The following FAM83G variants were observed in gnomAD, a reference collection of about 807,000 sequenced individuals.
FAM83G encodes the protein scaffolding CK1 anchoring protein G.
FAM83G carries 38 observed loss-of-function variants against 61.5 expected under a neutral mutation model. The observed-to-expected ratio is 0.62, with a 90% CI of 0.48 to 0.81. The LOEUF (loss-of-function observed/expected upper bound fraction) is 0.81. Ranked by LOEUF, FAM83G falls within the 30% of genes least tolerant of loss-of-function variation. FAM83G has a pLI of 0.00. For missense variants in FAM83G, 989 were observed against 1,133.6 expected (o/e 0.87, Z 1.83); for synonymous variants, 470 against 476.1 (o/e 0.99, Z 0.17).
chr17:19,003,234 T>A lies in FAM83G; in HGVS notation c.522+286A>T, dbSNP rs2043777431. Among the ~76,000 whole-genome samples, 1 of 150,912 alleles carries A rather than the reference T, an allele frequency of 6.6e-6. No homozygotes were observed. The highest frequency in any genetic ancestry group is 1.5e-5 in the Non-Finnish European group (1 of 67,640). ...CCCTCCCCACTCCACCCTATCTCGG[T>A]GCCTTCTTCTGGGGAACCAGAAACA... On this transcript the variant is annotated intron_variant, in intron 2 of 5. Coordinates refer to ENST00000388995, the MANE Select transcript of FAM83G (RefSeq NM_001039999.3). This position sits in a 1 kb window ranked among gnomAD's most constrained non-coding sequence, Gnocchi z 4.5.
At chr17:18,979,478 G>A (rs2043074311) in intron 4 of FAM83G, 71 bp downstream of exon 4, 1 of 1,575,422 alleles carries the variant, frequency 6.3e-7, no homozygotes, top group South Asian at 1.2e-5. Context: ...CCAGGGTTAG[G>A]ATTAAGGGCA....
rs996742496 is a variant in FAM83G at position 18,971,478 on chromosome 17, T to C, written c.2353A>G (p.Ile785Val). Residue 785 changes from isoleucine to valine, a missense_variant, in exon 6 of 6, where the codon ATC becomes GTC. Ile to Val is a conservative substitution (Grantham distance 29). Transcript: ENST00000388995. This position sits in a 1 kb window ranked among gnomAD's most constrained non-coding sequence, Gnocchi z 5.5. ...ATEEHPSPFG[I>V]PYSKLSQSKH... The stretch of plus-strand genomic sequence containing the variant: ...GACTGAGACAGTTTGGAGTATGGGA[T>C]TCCGAAGGGACTCGGATGCTCCTCG... The C allele has an allele frequency of 6.2e-6, 10 of 1,613,896 alleles. No individual in the cohort carries two copies. The African/African-American group carries it at 1.2e-4, about 19-fold the overall frequency.
chr17:18,990,764 C>T (rs773834695), intron 2 of FAM83G, among the ~76,000 whole-genome samples: 2 of 151,062 alleles, frequency 1.3e-5, no homozygotes, highest in African/African-American at 2.4e-5. Flanking sequence ...GTAACAGGCA[C>T]GAGCTTATGC....
intron 5 of FAM83G, chr17:18,976,530 C>A: frequency 3.0e-6 from 1 of 333,972 alleles, no homozygotes; most frequent in Non-Finnish European, 5.5e-6. Context: ...GTCCCCATAC[C>A]ACCCCACCCA....
At chr17:18,984,193 T>G (rs1298997979) in intron 3 of FAM83G, among the ~76,000 whole-genome samples, 1 of 151,780 alleles carries the variant, frequency 6.6e-6, no homozygotes, top group Non-Finnish European at 1.5e-5. Context: ...ATACAAAAAA[T>G]TAGCCGGGCG....
intron 5 of FAM83G, among the ~76,000 whole-genome samples, chr17:18,974,023 G>A (rs2042921117): frequency 6.6e-6 from 1 of 151,656 alleles, no homozygotes; most frequent in Non-Finnish European, 1.5e-5. Context: ...CTCCTAAGTA[G>A]TTGGGATTAC....
At chr17:18,987,059 G>A (rs547151594) in intron 3 of FAM83G, among the ~76,000 whole-genome samples, 1 of 152,336 alleles carries the variant, frequency 6.6e-6, no homozygotes, top group East Asian at 1.9e-4. Context: ...GGACTCAACC[G>A]GAGGCGTTGG....
intron 2 of FAM83G, among the ~76,000 whole-genome samples, chr17:18,997,328 C>A (rs969418074): frequency 4.6e-5 from 7 of 152,218 alleles, no homozygotes; most frequent in African/African-American, 1.7e-4. Flanking sequence ...GGGGAAAGGC[C>A]ATGAGGTGAC....
chr17:18,999,349 G>A (rs967653074), intron 2 of FAM83G, among the ~76,000 whole-genome samples: 1 of 152,146 alleles, frequency 6.6e-6, no homozygotes, highest in African/African-American at 2.4e-5. Context: ...AGGCTCTGGT[G>A]CTCCCATGCA....
intron 5 of FAM83G, chr17:18,976,781 G>A (rs113728377): frequency 6.3e-6 from 10 of 1,575,584 alleles, no homozygotes; most frequent in African/African-American, 5.4e-5. Flanking sequence ...ATTCCCTGAG[G>A]CCCACCAAGG....
Position 18,978,549 on chromosome 17 carries a change from G to T in FAM83G, c.1117C>A (p.Pro373Thr). 6.2e-7 allele frequency: 1 copy of T among 1,613,336 alleles called. No homozygotes were observed. The highest frequency in any genetic ancestry group is 8.5e-7 in the Non-Finnish European group (1 of 1,179,990). The change falls in exon 5 of 6, where the codon CCC becomes ACC. Residue 373 changes from proline (P) to threonine (T), a missense_variant. Coordinates refer to ENST00000388995, the MANE Select transcript of FAM83G (RefSeq NM_001039999.3). ...ISSEKQEAKK[P>T]LGLKGPALAE... ...AGCGCTGGGCCTTTCAGCCCCAGGG[G>T]CTTCTTGGCCTCCTGCTTCTCAGAG... is the stretch of plus-strand genomic sequence containing the variant.
intron 2 of FAM83G, among the ~76,000 whole-genome samples, chr17:18,990,445 C>T (rs1385243068): frequency 1.3e-5 from 2 of 152,208 alleles, no homozygotes; most frequent in Non-Finnish European, 2.9e-5. Context: ...CAAACAGCCT[C>T]ACGTGCCACC....
chr17:18,977,816 T>C lies in FAM83G; in HGVS notation c.1850A>G (p.Glu617Gly). 6.2e-7 allele frequency: 1 copy of C among 1,608,268 alleles called. No homozygotes were observed. Among genetic ancestry groups the C allele is most frequent in the East Asian group, 2.2e-5 (1 of 44,830 alleles). ...RRPSVASSVS[E>G]EYFEVREHSV... The stretch of plus-strand genomic sequence containing the variant: ...GTGCTCTCTCACCTCGAAGTACTCC[T>C]CTGACACAGAGGAAGCCACTGAGGG... Residue 617 changes from glutamate (E) to glycine (G), a missense_variant, in exon 5 of 6, where the codon GAG becomes GGG. Physicochemically the swap from Glu to Gly is moderately conservative, Grantham distance 98. Coordinates refer to ENST00000388995, the MANE Select transcript of FAM83G (RefSeq NM_001039999.3).
At chr17:18,993,021 G>C (rs1397721598) in intron 2 of FAM83G, among the ~76,000 whole-genome samples, 3 of 152,236 alleles carry the variant, frequency 2.0e-5, no homozygotes, top group Non-Finnish European at 4.4e-5. Flanking sequence ...AGGACGAGTA[G>C]GTAGAACAGG....
At chr17:18,985,140 G>A in intron 3 of FAM83G, among the ~76,000 whole-genome samples, 1 of 152,236 alleles carries the variant, frequency 6.6e-6, no homozygotes, top group Non-Finnish European at 1.5e-5. Flanking sequence ...GACCAGAGCT[G>A]CGTCTCATGG....
At chr17:18,979,880 C>T (rs1233654849) in intron 3 of FAM83G, among the ~76,000 whole-genome samples, 1 of 152,136 alleles carries the variant, frequency 6.6e-6, no homozygotes, top group Non-Finnish European at 1.5e-5. Flanking sequence ...CGTGAAGCTA[C>T]AGAGCGGGCA....
chr17:18,986,443 T>A (rs960337949), intron 3 of FAM83G: 3 of 152,230 alleles, frequency 2.0e-5, no homozygotes, highest in African/African-American at 4.8e-5. Flanking sequence ...GCGCCACCCC[T>A]AAATTGGTCG....
Position 18,971,665 on chromosome 17 carries a change from A to C in FAM83G, c.2166T>G (p.Ser722=). ...TAGAGCTCTGGACGCTGTCAGCAGCAGAGCGGTACCTAGGGGGTCCTGGGA... is the reference window on the plus strand; with the variant it reads ...TAGAGCTCTGGACGCTGTCAGCAGCCGAGCGGTACCTAGGGGGTCCTGGGA... The part of the protein sequence containing the change: ...DGFPGPPRYR[S]AADSVQSSTR... The change falls in exon 6 of 6, where the codon TCT becomes TCG. Residue 722 remains serine (S), a synonymous_variant. Transcript: ENST00000388995. The surrounding 1 kb of genome is among the most constrained non-coding windows in gnomAD (Gnocchi z 5.5). 1 of 1,613,068 alleles carries C rather than the reference A, an allele frequency of 6.2e-7. No homozygotes were observed. Among genetic ancestry groups the C allele is most frequent in the Non-Finnish European group, 8.5e-7 (1 of 1,179,676 alleles).
rs145883384 is a variant in FAM83G at position 18,980,568 on chromosome 17, G to A, written c.691-895C>T. On this transcript the variant is annotated intron_variant, in intron 3 of 5. Coordinates refer to ENST00000388995, the MANE Select transcript of FAM83G (RefSeq NM_001039999.3). ...GTCTCTGGAGCTGCCAAGGGCCTGT[G>A]TGTTATGAGCTCCAGGTGCTGACTT... Among the ~76,000 whole-genome samples, 805 of 152,290 alleles carry A rather than the reference G, an allele frequency of 5.3e-3. 9 individuals are homozygous for A. The highest frequency in any genetic ancestry group is 0.019 in the African/African-American group (770 of 41,556).
Sources: gnomAD v4.1 joint callset for allele counts (sites outside exome capture counted in the v4.1 genomes callset) on GRCh38, gnomAD v4.1.1 for gene constraint, Gnocchi (gnomAD v3.1) non-coding constraint, MANE v1.5 for transcripts, NCBI Gene and HGNC (gene_info 2026-07-23, HGNC 2026-07-21) for gene names.